SH3TC2: variants seen among roughly 807,000 people sequenced by gnomAD.
The protein encoded by SH3TC2 is SH3 domain and tetratricopeptide repeat-containing protein 2.
Under a neutral mutation model 124.5 loss-of-function variants are expected in SH3TC2, and 87 were observed. The observed-to-expected ratio is 0.70, with a 90% CI of 0.59 to 0.84. The LOEUF (loss-of-function observed/expected upper bound fraction) is 0.84, where lower values mean the gene tolerates loss of function less well. Among genes scored for constraint, SH3TC2 ranks in the 40% least tolerant of loss-of-function variants. SH3TC2 has a pLI of 0.00. For synonymous variants in SH3TC2, 634 were observed against 628.5 expected (o/e 1.01, Z -0.13); for missense variants, 1,536 against 1,566.4 (o/e 0.98, Z 0.33).
chr5:149,049,781 T>A (rs1391057536), intron 2 of SH3TC2, among the ~76,000 whole-genome samples: 2 of 150,578 alleles, frequency 1.3e-5, no homozygotes, highest in Non-Finnish European at 3.0e-5. Context: ...AGACCCTGTC[T>A]CAAGGAAAAA....
intron 12 of SH3TC2, among the ~76,000 whole-genome samples, chr5:149,023,583 C>CTTTTTTTTTTTTTTTTTTT (rs5872108): frequency 3.7e-5 from 4 of 107,246 alleles, no homozygotes; most frequent in Non-Finnish European, 5.6e-5. Context: ...TAGTGTAATC[C>CTTTTTTTTTTTTTTTTTTT]TTTTTTTTTT....
chr5:149,042,750 A>T lies in SH3TC2; in HGVS notation c.473T>A (p.Val158Glu). 2 of 1,614,172 alleles carry T rather than the reference A, an allele frequency of 1.2e-6. No homozygotes were observed. The highest frequency in any genetic ancestry group is 1.7e-6 in the Non-Finnish European group (2 of 1,180,028). Reference protein sequence around the residue: ...CILVEDTEIQVSVDDKHLETI... With the variant: ...CILVEDTEIQESVDDKHLETI... ...TTCCAGGTGTTTATCATCTACAGACACTTGGATCTCTGTATCCTCCACCAA... is the reference window on the plus strand; with the variant it reads ...TTCCAGGTGTTTATCATCTACAGACTCTTGGATCTCTGTATCCTCCACCAA... The change falls in exon 5 of 17, where the codon GTG (valine) becomes GAG (glutamate). Residue 158 changes from valine to glutamate, a missense_variant. Val to Glu is a moderately radical substitution (Grantham distance 121). Coordinates refer to ENST00000515425, the MANE Select transcript of SH3TC2 (RefSeq NM_024577.4).
intron 3 of SH3TC2, 186 bp downstream of exon 3, chr5:149,047,676 T>C (rs1225448987): frequency 1.3e-6 from 1 of 782,216 alleles, no homozygotes; most frequent in African/African-American, 1.7e-5. Context: ...TCATTCAGAG[T>C]TCCTGCCCAC....
Position 149,028,517 on chromosome 5 carries a change from G to C in SH3TC2, c.1215C>G (p.Gly405=), listed in dbSNP as rs1247376980. 1 of 1,613,870 alleles carries C rather than the reference G, an allele frequency of 6.2e-7. No individual in the cohort carries two copies. The highest frequency in any genetic ancestry group is 1.1e-5 in the South Asian group (1 of 91,080). ...QPEGFKEVRP[G]RAWEEHQAVG... ...CGGCCTGATGCTCCTCCCAGGCTCT[G>C]CCAGGCCTGACCTCCTTGAAACCTT... The change falls in exon 11 of 17, where the codon GGC becomes GGG. Residue 405 remains glycine, a synonymous_variant. Coordinates refer to ENST00000515425, the MANE Select transcript of SH3TC2 (RefSeq NM_024577.4).
chr5:149,052,590 T>G (rs1260792475), intron 1 of SH3TC2, among the ~76,000 whole-genome samples: 1 of 152,184 alleles, frequency 6.6e-6, no homozygotes, highest in Non-Finnish European at 1.5e-5. Flanking sequence ...TAAGGTTCAA[T>G]AGGGGCAGAT....
chr5:149,044,663 G>C, intron 3 of SH3TC2, 25 bp from the exon 4 acceptor site: 1 of 1,571,804 alleles, frequency 6.4e-7, no homozygotes, highest in Non-Finnish European at 8.8e-7. Flanking sequence ...CAATGAGTCA[G>C]CCTGGGATGA....
intron 1 of SH3TC2, among the ~76,000 whole-genome samples, chr5:149,061,100 A>T (rs1754738983): frequency 6.6e-6 from 1 of 152,272 alleles, no homozygotes. Flanking sequence ...CGAGGGAGAT[A>T]CATAGCAGGC....
At chr5:149,040,022 A>G (rs186647887) in intron 7 of SH3TC2, among the ~76,000 whole-genome samples, 26 of 152,230 alleles carry the variant, frequency 1.7e-4, no homozygotes, top group Admixed American at 1.4e-3. Context: ...AAAGTGTTGG[A>G]CTTCATTATC....
Position 149,027,273 on chromosome 5 carries a change from T to C in SH3TC2, c.2459A>G (p.Glu820Gly). The C allele has an allele frequency of 2.5e-6, 4 of 1,614,142 alleles. No individual in the cohort carries two copies. Among genetic ancestry groups the C allele is most frequent in the Non-Finnish European group, 3.4e-6 (4 of 1,180,042 alleles). ...CTCCTTCAGGGAGCATAGCAGTGGC[T>C]CAAGCACATCCAAAGCCTTCTTGGC... ...SQAKKALDVLEPLLCSLKETE... is the reference protein window; with the variant it reads ...SQAKKALDVLGPLLCSLKETE... Residue 820 changes from glutamate (E) to glycine (G), a missense_variant, in exon 11 of 17, where the codon GAG (glutamate) becomes GGG (glycine). Glu to Gly is a moderately conservative substitution (Grantham distance 98). Transcript: ENST00000515425.
At chr5:149,052,095 C>T (rs780176660) in intron 2 of SH3TC2, 47 bp downstream of exon 2, 1 of 1,295,524 alleles carries the variant, frequency 7.7e-7, no homozygotes, top group East Asian at 2.3e-5. Flanking sequence ...GAGGTTATCG[C>T]AATACTCAAC....
Position 149,042,861 on chromosome 5 carries a change from T to A in SH3TC2, c.386-24A>T, listed in dbSNP as rs147593465. The A allele has an allele frequency of 5.3e-4, 857 of 1,613,740 alleles. 5 individuals are homozygous for A. In the African/African-American group the frequency reaches 0.01, roughly 19 times the overall value. On this transcript the variant is annotated intron_variant, in intron 4 of 16. Coordinates refer to ENST00000515425, the MANE Select transcript of SH3TC2 (RefSeq NM_024577.4). Reference sequence around the variant, plus strand: ...GCCTAAGAAGTCAAGCCAACAAGATTTCTGAACAAAATGATTTCTGACATA... The same window carrying A: ...GCCTAAGAAGTCAAGCCAACAAGATATCTGAACAAAATGATTTCTGACATA...
Position 148,989,780 on chromosome 5 carries a change from C to G in SH3TC2, c.*14931G>C, listed in dbSNP as rs1753392910. On this transcript the variant is annotated 3_prime_UTR_variant, in exon 17 of 17. Coordinates refer to ENST00000515425, the MANE Select transcript of SH3TC2 (RefSeq NM_024577.4). ...AGAGTGAGTCACAGGGACCCAAGAG[C>G]TTCAACAATCTGGTATTCAGAAGCA... is the stretch of plus-strand genomic sequence containing the variant. Among the ~76,000 whole-genome samples the G allele has an allele frequency of 1.3e-5, 2 of 152,174 alleles. No homozygotes were observed.
intron 13 of SH3TC2, among the ~76,000 whole-genome samples, chr5:149,012,064 C>A (rs1753792369): frequency 6.6e-6 from 1 of 152,176 alleles, no homozygotes; most frequent in Non-Finnish European, 1.5e-5. Flanking sequence ...GTCACACAGT[C>A]AGTCCATATG....
At chr5:149,006,251 C>A in intron 16 of SH3TC2, 1 of 169,276 alleles carries the variant, frequency 5.9e-6, no homozygotes, top group South Asian at 1.4e-4. Flanking sequence ...ACAGCAAGAC[C>A]CTGTCCCAAA....
intron 7 of SH3TC2, 67 bp from the exon 8 acceptor site, chr5:149,038,557 A>G (rs1442801901): frequency 6.6e-7 from 1 of 1,517,298 alleles, no homozygotes; most frequent in Non-Finnish European, 9.1e-7. Flanking sequence ...TCACCTTCCA[A>G]TGCAATAGAA....
rs115259259 is a variant in SH3TC2, at chr5:149,048,228, C to T, written c.152-239G>A. Among the ~76,000 whole-genome samples the T allele has an allele frequency of 3.8e-3, 574 of 152,262 alleles. 3 individuals are homozygous for T. The highest frequency in any genetic ancestry group is 0.013 in the African/African-American group (547 of 41,554). On this transcript the variant is annotated intron_variant, in intron 2 of 16. Coordinates refer to ENST00000515425, the MANE Select transcript of SH3TC2 (RefSeq NM_024577.4). ...GGAATCGCAGGAGTTGATGCACTCA[C>T]GTTGTTTATTTCTGCTTTGTACGGG...
intron 1 of SH3TC2, among the ~76,000 whole-genome samples, chr5:149,056,797 T>C (rs760202106): frequency 6.6e-6 from 1 of 152,204 alleles, no homozygotes; most frequent in African/African-American, 2.4e-5. Flanking sequence ...CTTTTACACA[T>C]GGTGTTATAT....
chr5:149,019,963 G>A (rs1753940248), intron 12 of SH3TC2, among the ~76,000 whole-genome samples: 2 of 152,162 alleles, frequency 1.3e-5, no homozygotes, highest in Non-Finnish European at 1.5e-5. Flanking sequence ...TCTGCTCACA[G>A]GGCTTGTTTT....
At position 149,062,348 on chromosome 5, in the gene SH3TC2, G is replaced by A. The variant is rs372036186; in HGVS notation, c.52+623C>T. ...GGAGACCAACCAGCCTGGTTGGCCT[G>A]GAACTGACATATCCCAGCAAATTCC... On this transcript the variant is annotated intron_variant, in intron 1 of 16. Coordinates refer to ENST00000515425, the MANE Select transcript of SH3TC2 (RefSeq NM_024577.4). 17 of 533,386 alleles carry A rather than the reference G, an allele frequency of 3.2e-5. 1 individual carries two copies. The highest frequency in any genetic ancestry group is 1.7e-4 in the South Asian group (12 of 71,358). The allele number at this position is 533,386 out of a possible 1,614,324, so 33.0% of individuals were successfully genotyped here. A position where few individuals can be genotyped will look rare whatever the true frequency, so the allele number is the denominator to read the frequency against.
Sources: gnomAD v4.1 joint callset for allele counts (sites outside exome capture counted in the v4.1 genomes callset) on GRCh38, gnomAD v4.1.1 for gene constraint, MANE v1.5 for transcripts, NCBI Gene and HGNC (gene_info 2026-07-23, HGNC 2026-07-21) for gene names.